Variants in SNX29 observed in about 807,000 individuals in gnomAD.
SNX29 encodes the protein sorting nexin 29.
Under a neutral mutation model 102.1 loss-of-function variants are expected in SNX29, and 78 were observed. That is an observed-to-expected ratio of 0.76 (90% CI 0.64 to 0.92). SNX29 has a LOEUF of 0.92. SNX29 is among the 40% of genes least tolerant of loss of function. The pLI is 0.00. For missense variants in SNX29, 1,280 were observed against 1,061.7 expected (o/e 1.21, Z -2.86); for synonymous variants, 580 against 414.5 (o/e 1.40, Z -4.85).
rs535172940 is a variant in SNX29 at position 12,571,714 on chromosome 16, G to C, written c.*3085G>C. 2.4e-5 allele frequency: 25 copies of C among 1,056,834 alleles called. No homozygotes were observed. The African/African-American group carries it at 3.6e-4, about 15-fold the overall frequency. 65.5% of individuals were successfully genotyped at this position (1,056,834 alleles called of 1,614,324 possible). On this transcript the variant is annotated 3_prime_UTR_variant, in exon 21 of 21. Coordinates refer to ENST00000566228, the MANE Select transcript of SNX29 (RefSeq NM_032167.5). Reference sequence around the variant, plus strand: ...AGAGACAACAAAAGCTTCTAAGGGAGGGAGCTTAAAGGCTGCTAGAAACCT... The same window carrying C: ...AGAGACAACAAAAGCTTCTAAGGGACGGAGCTTAAAGGCTGCTAGAAACCT...
intron 20 of SNX29, among the ~76,000 whole-genome samples, chr16:12,562,360 G>C (rs1300029687): frequency 1.3e-5 from 2 of 148,846 alleles, no homozygotes; most frequent in Admixed American, 6.7e-5. Flanking sequence ...CTTTATTTTT[G>C]CTTGCACCAT....
chr16:12,199,659 A>G lies in SNX29; in HGVS notation c.1654A>G (p.Lys552Glu), dbSNP rs765760955. The part of the protein sequence containing the change: ...KKYVGAVQML[K>E]REGQTAEVPN... ...ATATGTAGGAGCTGTCCAGATGCTG[A>G]AAAGAGAAGGTCAAACAGCTGAAGG... is the stretch of plus-strand genomic sequence containing the variant. Residue 552 changes from lysine to glutamate, a missense_variant, in exon 14 of 21, where the codon AAA becomes GAA. By Grantham distance (56) the Lys-to-Glu change is moderately conservative. Coordinates refer to ENST00000566228, the MANE Select transcript of SNX29 (RefSeq NM_032167.5). 1 of 1,612,754 alleles carries G rather than the reference A, an allele frequency of 6.2e-7. No homozygotes were observed. The highest frequency in any genetic ancestry group is 8.5e-7 in the Non-Finnish European group (1 of 1,179,380).
Position 12,461,803 on chromosome 16 carries a change from A to C in SNX29, c.2038-15916A>C, listed in dbSNP as rs547377748. ...GAAACCCTGTCTCTACTAAAAATAC[A>C]AAATTAGCCGGGCATGGTGGCAGGT... On this transcript the variant is annotated intron_variant, in intron 18 of 20. Coordinates refer to ENST00000566228, the MANE Select transcript of SNX29 (RefSeq NM_032167.5). 5.8e-4 allele frequency among the ~76,000 whole-genome samples: 87 copies of C among 150,406 alleles called. 1 individual carries two copies. In the East Asian group the frequency reaches 0.015, roughly 26 times the overall value.
chr16:12,408,840 C>A (rs558438431), intron 18 of SNX29, among the ~76,000 whole-genome samples: 2 of 152,196 alleles, frequency 1.3e-5, no homozygotes, highest in African/African-American at 4.8e-5. Context: ...TGTCATCCTA[C>A]ATGCCAAAGA....
chr16:12,555,719 C>T (rs923887179), intron 20 of SNX29, among the ~76,000 whole-genome samples: 4 of 152,110 alleles, frequency 2.6e-5, no homozygotes, highest in Non-Finnish European at 4.4e-5. Flanking sequence ...CCCTGATTGG[C>T]CCTTTCACTT....
intron 18 of SNX29, among the ~76,000 whole-genome samples, chr16:12,451,265 G>C (rs942512599): frequency 2.0e-5 from 3 of 152,184 alleles, no homozygotes; most frequent in African/African-American, 7.2e-5. Context: ...GTGCGAAATG[G>C]AGATGCTCTG....
chr16:12,455,643 G>C (rs918492327), intron 18 of SNX29, among the ~76,000 whole-genome samples: 1 of 152,216 alleles, frequency 6.6e-6, no homozygotes, highest in African/African-American at 2.4e-5. Flanking sequence ...ACTTCATCCA[G>C]TAGGCTTTGC....
intron 18 of SNX29, among the ~76,000 whole-genome samples, chr16:12,466,837 CA>C (rs902195179): frequency 2.0e-5 from 3 of 152,238 alleles, no homozygotes; most frequent in African/African-American, 7.2e-5. Context: ...ATTAACTTAG[CA>C]GGGTGACATA....
At chr16:12,430,022 A>G (rs1017959656) in intron 18 of SNX29, among the ~76,000 whole-genome samples, 38 of 152,352 alleles carry the variant, frequency 2.5e-4, no homozygotes, top group Admixed American at 3.9e-4. Flanking sequence ...GTGGGCCAGC[A>G]AGCATTACTG....
chr16:12,398,320 T>C, intron 16 of SNX29, 126 bp from the exon 17 acceptor site: 1 of 1,051,746 alleles, frequency 9.5e-7, no homozygotes, highest in Non-Finnish European at 1.5e-6. Context: ...CAGTGACTGC[T>C]TTTTCACTTC....
intron 18 of SNX29, among the ~76,000 whole-genome samples, chr16:12,406,827 T>C (rs951386196): frequency 2.6e-5 from 4 of 152,138 alleles, no homozygotes; most frequent in African/African-American, 9.7e-5. Context: ...GACAATCGCT[T>C]GAACCTGGGA....
chr16:12,223,125 G>C (rs1428846291), intron 14 of SNX29, among the ~76,000 whole-genome samples: 4 of 152,192 alleles, frequency 2.6e-5, no homozygotes, highest in African/African-American at 9.7e-5. Context: ...TCTGGAGTCA[G>C]ACCATGTAAG....
intron 16 of SNX29, among the ~76,000 whole-genome samples, chr16:12,369,904 TTTC>T (rs765206488): frequency 4.6e-5 from 7 of 152,206 alleles, no homozygotes; most frequent in Admixed American, 3.9e-4. Flanking sequence ...TTTTGAACGA[TTTC>T]TTCTTATTTG....
chr16:12,369,295 C>T (rs924870790), intron 16 of SNX29, among the ~76,000 whole-genome samples: 1 of 152,020 alleles, frequency 6.6e-6, no homozygotes, highest in Admixed American at 6.6e-5. Context: ...GCCACCGTGC[C>T]CAGCTAATTT....
intron 18 of SNX29, among the ~76,000 whole-genome samples, chr16:12,434,882 G>A (rs371809633): frequency 1.4e-5 from 2 of 147,984 alleles, no homozygotes; most frequent in Admixed American, 6.8e-5. Context: ...CGTTACAGAC[G>A]TCTGTTACAA....
At chr16:12,374,552 G>C (rs1237913254) in intron 16 of SNX29, 2 of 152,314 alleles carry the variant, frequency 1.3e-5, no homozygotes, top group Non-Finnish European at 2.9e-5. Context: ...TGCTTGGGAA[G>C]GTGTTCCCCT....
At position 12,398,464 on chromosome 16, in the gene SNX29, C is replaced by T. The variant is rs1299371992; in HGVS notation, c.1918C>T (p.Gln640Ter). ...ATGGTAGGTGCCTGGAGATTTGAGT[C>T]AAACGTCCGAAGACCAGAGTTTGTC... Reference protein sequence around the residue: ...LRGPVPGDLSQTSEDQSLSDF... With the variant: ...LRGPVPGDLS The change falls in exon 17 of 21, where the codon CAA (glutamine) becomes TAA (stop). Residue 640 changes from glutamine to a stop codon, truncating the protein, a stop_gained. Transcript: ENST00000566228. LOFTEE classifies it high-confidence loss of function. 1.9e-6 allele frequency: 3 copies of T among 1,613,882 alleles called. No individual in the cohort carries two copies. The African/African-American group carries it at 4.0e-5, about 22-fold the overall frequency.
intron 11 of SNX29, among the ~76,000 whole-genome samples, chr16:12,084,337 G>C (rs2052057262): frequency 6.6e-6 from 1 of 152,070 alleles, no homozygotes; most frequent in Non-Finnish European, 1.5e-5. Flanking sequence ...GTAGAGGCAG[G>C]GTTTCACCAT....
intron 14 of SNX29, among the ~76,000 whole-genome samples, chr16:12,239,957 T>A (rs1237799763): frequency 6.6e-6 from 1 of 152,232 alleles, no homozygotes; most frequent in African/African-American, 2.4e-5. Context: ...AAGTACCTCT[T>A]CCCAGTCTTT....
Sources: gnomAD v4.1 joint callset for allele counts (sites outside exome capture counted in the v4.1 genomes callset) on GRCh38, gnomAD v4.1.1 for gene constraint, MANE v1.5 for transcripts, NCBI Gene and HGNC (gene_info 2026-07-23, HGNC 2026-07-21) for gene names.